Variants in RTCA observed in about 807,000 individuals in gnomAD.
RTCA encodes the protein RNA 3'-terminal phosphate cyclase.
A neutral mutation model predicts 46.1 loss-of-function variants in RTCA; 37 were observed. The ratio of observed to expected loss-of-function variants is 0.80; its 90% CI spans 0.62 to 1.06. The LOEUF (loss-of-function observed/expected upper bound fraction) is 1.06. Ranked by LOEUF, RTCA falls within the 50% of genes least tolerant of loss-of-function variation. The pLI, the probability that RTCA is intolerant of heterozygous loss-of-function variation, is 0.00. For synonymous variants in RTCA, 164 were observed against 158.3 expected (o/e 1.04, Z -0.27); for missense variants, 435 against 455.5 (o/e 0.95, Z 0.41).
intron 8 of RTCA, among the ~76,000 whole-genome samples, chr1:100,279,765 G>A (rs959966051): frequency 2.0e-5 from 3 of 152,168 alleles, no homozygotes; most frequent in African/African-American, 4.8e-5. Context: ...GGGTGACACA[G>A]TGAGACCCTG....
rs1399461157 is a variant in RTCA, at chr1:100,273,446, A to T, written c.467A>T (p.Lys156Ile). ...GGTTTCATATTTAATTGTGACATTAAAACAAGGTAAGTTGCTTGTTTCTTA... is the reference window on the plus strand; with the variant it reads ...GGTTTCATATTTAATTGTGACATTATAACAAGGTAAGTTGCTTGTTTCTTA... Reference protein sequence around the residue: ...KFGFIFNCDIKTRGYYPKGGG... With the variant: ...KFGFIFNCDIITRGYYPKGGG... The change falls in exon 5 of 11, where the codon AAA becomes ATA. Residue 156 changes from lysine to isoleucine, a missense_variant. Physicochemically the swap from Lys to Ile is moderately radical, Grantham distance 102. Transcript: ENST00000370128. 1.9e-6 allele frequency: 3 copies of T among 1,574,792 alleles called. No homozygotes were observed. The highest frequency in any genetic ancestry group is 2.6e-6 in the Non-Finnish European group (3 of 1,156,756).
intron 1 of RTCA, 47 bp from the exon 2 acceptor site, chr1:100,266,477 C>T: frequency 6.2e-7 from 1 of 1,608,096 alleles, no homozygotes; most frequent in Non-Finnish European, 8.5e-7. Context: ...GGAGCTCTCA[C>T]CACCGGTGTG....
intron 3 of RTCA, among the ~76,000 whole-genome samples, chr1:100,269,776 G>T (rs1238504798): frequency 6.6e-6 from 1 of 152,062 alleles, no homozygotes; most frequent in Non-Finnish European, 1.5e-5. Flanking sequence ...CCATCAACTG[G>T]TCATCTAGGT....
Position 100,267,360 on chromosome 1 carries a change from A to G in RTCA, c.146+736A>G, listed in dbSNP as rs1665841824. The stretch of plus-strand genomic sequence containing the variant: ...TATGTTAATGTTAATTGCCTTTGTC[A>G]TAGTTTGCAGCCCTCCAGTTCACCA... On this transcript the variant is annotated intron_variant, in intron 2 of 10. Transcript: ENST00000370128. 6.4e-6 allele frequency: 6 copies of G among 938,534 alleles called. No individual in the cohort carries two copies. The South Asian group carries it at 1.1e-4, about 17-fold the overall frequency. The allele number at this position is 938,534 out of a possible 1,614,324, so 58.1% of individuals were successfully genotyped here.
At chr1:100,289,047 C>T (rs1667188175) in intron 10 of RTCA, among the ~76,000 whole-genome samples, 1 of 152,028 alleles carries the variant, frequency 6.6e-6, no homozygotes. Flanking sequence ...TGGTCTCAAA[C>T]TCCTGGCCTT....
chr1:100,285,795 T>C (rs2100812598), intron 9 of RTCA, among the ~76,000 whole-genome samples: 1 of 152,158 alleles, frequency 6.6e-6, no homozygotes, highest in Admixed American at 6.5e-5. Flanking sequence ...AATTTAAAAC[T>C]TTTTTTTGTT....
At position 100,287,216 on chromosome 1, in the gene RTCA, T is replaced by C. The variant is rs372790993; in HGVS notation, c.999+13T>C. On this transcript the variant is annotated intron_variant, in intron 10 of 10. Coordinates refer to ENST00000370128, the MANE Select transcript of RTCA (RefSeq NM_003729.4). ...ACAAATAGCAAAGGTGAGTATTCTA[T>C]CAGAAAGGGAAATTGATATTTTGAT... 5.3e-6 allele frequency: 8 copies of C among 1,516,836 alleles called. No individual in the cohort carries two copies. Among genetic ancestry groups the C allele is most frequent in the Non-Finnish European group, 7.1e-6 (8 of 1,131,756 alleles). 94.0% of individuals were successfully genotyped at this position (1,516,836 alleles called of 1,614,324 possible). A position where few individuals can be genotyped will look rare whatever the true frequency, so the allele number is the denominator to read the frequency against.
chr1:100,277,984 G>C (rs1459809415), intron 8 of RTCA, among the ~76,000 whole-genome samples: 1 of 152,104 alleles, frequency 6.6e-6, no homozygotes, highest in Non-Finnish European at 1.5e-5. Context: ...GATATATTCA[G>C]ATTAAACATT....
At position 100,268,159 on chromosome 1, in the gene RTCA, C is replaced by T. The variant is rs752594616; in HGVS notation, c.154C>T (p.His52Tyr). 6.8e-6 allele frequency: 11 copies of T among 1,614,108 alleles called. No individual in the cohort carries two copies. The South Asian group carries it at 1.2e-4, about 18-fold the overall frequency. ...GRSTPGLRPQ[H>Y]LSGLEMIRDL... ...CAGTATTATGACCTGAAGGCCTCAA[C>T]ATTTATCTGGACTGGAAATGATTCG... The change falls in exon 3 of 11, where the codon CAT becomes TAT. Residue 52 changes from histidine (H) to tyrosine (Y), a missense_variant. By Grantham distance (83) the His-to-Tyr change is moderately conservative (BLOSUM62 2). Transcript: ENST00000370128.
At chr1:100,268,403 GT>G (rs5776503) in intron 3 of RTCA, 108 bp downstream of exon 3, 16,607 of 696,710 alleles carry the variant, frequency 0.024, 2 homozygotes, top group South Asian at 0.039. Flanking sequence ...CTACTTTTAT[GT>G]TTTTTTTTTT....
At position 100,275,670 on chromosome 1, in the gene RTCA, C is replaced by T; in HGVS notation, c.687C>T (p.Ile229=). The change falls in exon 7 of 11, where the codon ATC becomes ATT. Residue 229 remains isoleucine, a synonymous_variant. Coordinates refer to ENST00000370128, the MANE Select transcript of RTCA (RefSeq NM_003729.4). ...RKEIRDLYVN[I]QPVQEPKDQA... The stretch of plus-strand genomic sequence containing the variant: ...AGATCCGGGATTTGTATGTTAACAT[C>T]CAGCCTGTTCAAGAACCTAAAGACC... 6.2e-7 allele frequency: 1 copy of T among 1,612,190 alleles called. No individual in the cohort carries two copies. The highest frequency in any genetic ancestry group is 8.5e-7 in the Non-Finnish European group (1 of 1,178,940).
At chr1:100,271,110 T>C (rs916600053) in intron 4 of RTCA, among the ~76,000 whole-genome samples, 3 of 151,762 alleles carry the variant, frequency 2.0e-5, no homozygotes, top group African/African-American at 7.3e-5. Context: ...AGTTTGTTGT[T>C]ATATCTTGGA....
chr1:100,291,143 C>G (rs183813508), intron 10 of RTCA, among the ~76,000 whole-genome samples: 1 of 152,052 alleles, frequency 6.6e-6, no homozygotes, highest in African/African-American at 2.4e-5. Context: ...ATTCAGTGTG[C>G]GTGGAAGGGG....
intron 3 of RTCA, among the ~76,000 whole-genome samples, chr1:100,269,416 G>C (rs1450741601): frequency 1.4e-5 from 2 of 146,608 alleles, no homozygotes; most frequent in Non-Finnish European, 3.0e-5. Context: ...GCATGATCAT[G>C]GCTCACTGTA....
Position 100,273,461 on chromosome 1 carries a change from C to T in RTCA, c.473+9C>T. 6.5e-7 allele frequency: 1 copy of T among 1,545,904 alleles called. No homozygotes were observed. The highest frequency in any genetic ancestry group is 1.4e-5 in the African/African-American group (1 of 73,208). ...TGTGACATTAAAACAAGGTAAGTTGCTTGTTTCTTAAATGTTAGGATCTAT... is the reference window on the plus strand; with the variant it reads ...TGTGACATTAAAACAAGGTAAGTTGTTTGTTTCTTAAATGTTAGGATCTAT... On this transcript the variant is annotated intron_variant, in intron 5 of 10. Coordinates refer to ENST00000370128, the MANE Select transcript of RTCA (RefSeq NM_003729.4).
At chr1:100,276,474 C>A (rs1310734438) in intron 7 of RTCA, among the ~76,000 whole-genome samples, 1 of 152,018 alleles carries the variant, frequency 6.6e-6, no homozygotes, top group Non-Finnish European at 1.5e-5. Flanking sequence ...GTCAAGAGAT[C>A]AAGATCATCC....
Position 100,288,171 on chromosome 1 carries a change from A to G in RTCA, c.999+968A>G, listed in dbSNP as rs76753446. Among the ~76,000 whole-genome samples the G allele has an allele frequency of 8.3e-3, 1,271 of 152,266 alleles. 20 individuals are homozygous for G. The highest frequency in any genetic ancestry group is 0.029 in the African/African-American group (1,225 of 41,540). On this transcript the variant is annotated intron_variant, in intron 10 of 10. Transcript: ENST00000370128. ...AATTTCTTTATAGGAAATAGAGGGGAAAAGCCTTCTCATAATTTCCCCTTG... is the reference window on the plus strand; with the variant it reads ...AATTTCTTTATAGGAAATAGAGGGGGAAAGCCTTCTCATAATTTCCCCTTG...
intron 3 of RTCA, 142 bp downstream of exon 3, chr1:100,268,437 C>A: frequency 1.4e-6 from 1 of 695,090 alleles, no homozygotes; most frequent in South Asian, 2.0e-5. Context: ...TCCCTCTTGC[C>A]CAGGCGGGGG....
intron 7 of RTCA, 106 bp downstream of exon 7, chr1:100,275,829 GTATTTATT>G: frequency 5.1e-6 from 5 of 985,390 alleles, no homozygotes; most frequent in South Asian, 2.1e-5. Context: ...GTTTTAAGAA[GTATTTATT>G]TATTTATTTA....
Sources: gnomAD v4.1 joint callset for allele counts (sites outside exome capture counted in the v4.1 genomes callset) on GRCh38, gnomAD v4.1.1 for gene constraint, MANE v1.5 for transcripts, NCBI Gene and HGNC (gene_info 2026-07-23, HGNC 2026-07-21) for gene names.